Variants in CSNK1G1 observed in about 807,000 individuals in gnomAD.
The protein encoded by CSNK1G1 is casein kinase 1 gamma 1.
Under a neutral mutation model 59.6 loss-of-function variants are expected in CSNK1G1, and 22 were observed. That is an observed-to-expected ratio of 0.37 (90% CI 0.26 to 0.53). The LOEUF is 0.53. Ranked by LOEUF, CSNK1G1 falls within the 20% of genes least tolerant of loss-of-function variation. The pLI is 0.89. For missense variants in CSNK1G1, 384 were observed against 519.5 expected (o/e 0.74, Z 2.54); for synonymous variants, 179 against 177.1 (o/e 1.01, Z -0.08).
Position 64,222,053 on chromosome 15 carries a change from A to G in CSNK1G1, c.293-5340T>C, listed in dbSNP as rs527591865. On this transcript the variant is annotated intron_variant, in intron 4 of 11. Coordinates refer to ENST00000303052, the MANE Select transcript of CSNK1G1 (RefSeq NM_022048.5). Reference sequence around the variant, plus strand: ...AATGCCCATCAATGATAGACTGGATAAAGAAAATATGGTACATACACACCA... The same window carrying G: ...AATGCCCATCAATGATAGACTGGATGAAGAAAATATGGTACATACACACCA... Among the ~76,000 whole-genome samples the G allele has an allele frequency of 2.0e-5, 3 of 152,262 alleles. No individual in the cohort carries two copies. The South Asian group carries it at 6.2e-4, about 32-fold the overall frequency.
chr15:64,309,207 G>A (rs191968424), intron 1 of CSNK1G1, among the ~76,000 whole-genome samples: 1 of 152,070 alleles, frequency 6.6e-6, no homozygotes, highest in Admixed American at 6.6e-5. Flanking sequence ...GTAATTGCTT[G>A]TCTACTCACG....
chr15:64,334,436 A>G (rs1897269711), intron 1 of CSNK1G1, among the ~76,000 whole-genome samples: 1 of 152,188 alleles, frequency 6.6e-6, no homozygotes, highest in South Asian at 2.1e-4. Flanking sequence ...GGATGATTCA[A>G]GCACACTACA....
intron 5 of CSNK1G1, among the ~76,000 whole-genome samples, chr15:64,215,108 T>C (rs751332226): frequency 1.1e-4 from 16 of 151,926 alleles, no homozygotes; most frequent in Non-Finnish European, 4.4e-5. Flanking sequence ...GCCAGGGCTA[T>C]AGTTTTTATG....
At chr15:64,181,207 T>G in intron 10 of CSNK1G1, 2 of 1,530,216 alleles carry the variant, frequency 1.3e-6, no homozygotes, top group Non-Finnish European at 8.7e-7. Context: ...TTATTTCAGG[T>G]TCACTGCCAT....
chr15:64,278,382 G>A (rs1160693786), intron 2 of CSNK1G1, among the ~76,000 whole-genome samples: 2 of 95,234 alleles, frequency 2.1e-5, no homozygotes, highest in African/African-American at 6.1e-5. Flanking sequence ...ATGTGCGTGT[G>A]TGTGTGTGTG....
chr15:64,251,275 A>T (rs1021524645), intron 4 of CSNK1G1, among the ~76,000 whole-genome samples: 3 of 152,200 alleles, frequency 2.0e-5, no homozygotes, highest in Admixed American at 6.5e-5. Flanking sequence ...GACAAGTGGA[A>T]GGCATCTGCA....
At chr15:64,177,604 T>C (rs887042709) in intron 11 of CSNK1G1, among the ~76,000 whole-genome samples, 1 of 152,310 alleles carries the variant, frequency 6.6e-6, no homozygotes, top group South Asian at 2.1e-4. Flanking sequence ...AAGAGGCACA[T>C]TTGTCCTTTT....
intron 4 of CSNK1G1, among the ~76,000 whole-genome samples, chr15:64,229,445 GT>G (rs981630980): frequency 2.0e-5 from 3 of 152,156 alleles, no homozygotes; most frequent in African/African-American, 7.2e-5. Context: ...TGGGTGCCAT[GT>G]CTCTCATGTA....
At chr15:64,262,818 C>T (rs1421843683) in intron 2 of CSNK1G1, among the ~76,000 whole-genome samples, 1 of 152,170 alleles carries the variant, frequency 6.6e-6, no homozygotes, top group Non-Finnish European at 1.5e-5. Flanking sequence ...ATGGCTCACG[C>T]CTGTAATCCC....
intron 7 of CSNK1G1, among the ~76,000 whole-genome samples, chr15:64,206,357 T>C (rs2082180315): frequency 6.6e-6 from 1 of 152,052 alleles, no homozygotes; most frequent in Admixed American, 6.6e-5. Flanking sequence ...GGAGAATTGC[T>C]TGAACCCAGG....
intron 4 of CSNK1G1, among the ~76,000 whole-genome samples, chr15:64,225,210 T>C (rs1022005425): frequency 1.3e-5 from 2 of 152,000 alleles, no homozygotes; most frequent in Admixed American, 6.6e-5. Flanking sequence ...GGTTTCACCA[T>C]GTTAGCCAGG....
chr15:64,183,311 T>C (rs904892671), intron 10 of CSNK1G1, among the ~76,000 whole-genome samples: 2 of 152,240 alleles, frequency 1.3e-5, no homozygotes, highest in Non-Finnish European at 2.9e-5. Context: ...ATCTTGTCTG[T>C]ATCAATGAGC....
chr15:64,170,617 C>T lies in CSNK1G1; in HGVS notation c.*1314G>A, dbSNP rs1007878664. ...CCTATAATGCCACACCCTGAGGTCC[C>T]TCTGGCAGGTGGAAGGCAGGTTCAC... is the stretch of plus-strand genomic sequence containing the variant. On this transcript the variant is annotated 3_prime_UTR_variant, in exon 12 of 12. Transcript: ENST00000303052. 1 of 152,622 alleles carries T rather than the reference C, an allele frequency of 6.6e-6. No individual in the cohort carries two copies. The highest frequency in any genetic ancestry group is 2.4e-5 in the African/African-American group (1 of 41,444). 9.5% of individuals were successfully genotyped at this position (152,622 alleles called of 1,614,324 possible).
At chr15:64,195,861 CT>C (rs1646758279) in intron 10 of CSNK1G1, among the ~76,000 whole-genome samples, 1 of 152,296 alleles carries the variant, frequency 6.6e-6, no homozygotes, top group South Asian at 2.1e-4. Context: ...ATGGATCTAG[CT>C]TTTAGGAACG....
At chr15:64,223,835 T>C (rs921639602) in intron 4 of CSNK1G1, among the ~76,000 whole-genome samples, 3 of 152,170 alleles carry the variant, frequency 2.0e-5, no homozygotes, top group African/African-American at 7.2e-5. Context: ...CTGCACAGAA[T>C]AGGCAATGAA....
chr15:64,249,934 T>C (rs1340091267), intron 4 of CSNK1G1, among the ~76,000 whole-genome samples: 1 of 152,172 alleles, frequency 6.6e-6, no homozygotes, highest in East Asian at 1.9e-4. Context: ...TCCTGAAAAC[T>C]GGCCTGTCCA....
intron 11 of CSNK1G1, among the ~76,000 whole-genome samples, chr15:64,174,947 T>C (rs1004912568): frequency 2.6e-5 from 4 of 151,948 alleles, no homozygotes; most frequent in Non-Finnish European, 5.9e-5. Context: ...TTCATGTGTA[T>C]GTCTGATCTC....
intron 1 of CSNK1G1, among the ~76,000 whole-genome samples, chr15:64,349,917 T>TAA (rs767246116): frequency 1.7e-5 from 2 of 121,134 alleles, no homozygotes; most frequent in Admixed American, 8.0e-5. Context: ...CTCCAAAAAT[T>TAA]AAAAAAAAAA....
At chr15:64,300,762 A>T in intron 1 of CSNK1G1, 39 bp from the exon 2 acceptor site, 1 of 1,185,276 alleles carries the variant, frequency 8.4e-7, no homozygotes. Context: ...TAAAAATTAA[A>T]TTTTGAAACA....
Sources: gnomAD v4.1 joint callset for allele counts (sites outside exome capture counted in the v4.1 genomes callset) on GRCh38, gnomAD v4.1.1 for gene constraint, MANE v1.5 for transcripts, NCBI Gene and HGNC (gene_info 2026-07-23, HGNC 2026-07-21) for gene names.